Variants in ZNF160 observed in about 807,000 individuals in gnomAD.
ZNF160 encodes the protein KRAB zinc finger protein KR18.
Under a neutral mutation model 13.1 loss-of-function variants are expected in ZNF160, and 9 were observed. The ratio of observed to expected loss-of-function variants is 0.69; its 90% confidence interval spans 0.41 to 1.20. ZNF160 has a LOEUF of 1.20. ZNF160 is among the 50% of genes most tolerant of loss of function. The probability of loss-of-function intolerance (pLI) is 0.01; values close to 1 mark genes in which losing one functional copy is unlikely to be tolerated. For synonymous variants in ZNF160, 293 were observed against 333.2 expected (o/e 0.88, Z 1.31); for missense variants, 838 against 988.0 (o/e 0.85, Z 2.04).
intron 1 of ZNF160, chr19:53,095,680 A>C (rs1418825678): frequency 1.3e-5 from 2 of 152,140 alleles, no homozygotes; most frequent in Non-Finnish European, 2.9e-5. Flanking sequence ...CGGATGAGGA[A>C]TACAAAATGT....
chr19:53,088,770 G>A (rs560265518), intron 2 of ZNF160, among the ~76,000 whole-genome samples: 5 of 152,194 alleles, frequency 3.3e-5, no homozygotes, highest in South Asian at 2.1e-4. Context: ...CAAAATGTGT[G>A]TCATTGTCCC....
Position 53,068,006 on chromosome 19 carries a change from G to A in ZNF160, c.*71C>T. 2.6e-6 allele frequency: 4 copies of A among 1,526,208 alleles called. No homozygotes were observed. Among genetic ancestry groups the A allele is most frequent in the Non-Finnish European group, 3.5e-6 (4 of 1,136,744 alleles). The allele number at this position is 1,526,208 out of a possible 1,614,324, so 94.5% of individuals were successfully genotyped here. ...GGGATTGGCCACTGTCACTACATTT[G>A]TAAGGATTCTGTCAAGAATGAAATT... On this transcript the variant is annotated 3_prime_UTR_variant, in exon 6 of 6. Coordinates refer to ENST00000683776, the MANE Select transcript of ZNF160 (RefSeq NM_001322131.2).
At chr19:53,095,262 G>A (rs1341106047) in intron 1 of ZNF160, 1 of 10,528 alleles carries the variant, frequency 9.5e-5, no homozygotes, top group African/African-American at 5.6e-4. Context: ...CCACCTCACG[G>A]TGGCTTCCAC....
rs774614942 is a variant in ZNF160 at position 53,068,673 on chromosome 19, A to G, written c.1861T>C (p.Tyr621His). Reference protein sequence around the residue: ...HQAIHTGEKPYKCHECGKVFR... With the variant: ...HQAIHTGEKPHKCHECGKVFR... Reference sequence around the variant, plus strand: ...ACCTTGCCGCATTCATGACATTTGTAAGGTTTCTCTCCAGTATGTATTGCC... The same window carrying G: ...ACCTTGCCGCATTCATGACATTTGTGAGGTTTCTCTCCAGTATGTATTGCC... The change falls in exon 6 of 6, where the codon TAC becomes CAC. Residue 621 changes from tyrosine to histidine, a missense_variant. By Grantham distance (83) the Tyr-to-His change is moderately conservative. Transcript: ENST00000683776. 1.9e-6 allele frequency: 3 copies of G among 1,613,952 alleles called. No homozygotes were observed. The African/African-American group carries it at 4.0e-5, about 22-fold the overall frequency.
rs749779810 is a variant in ZNF160, at chr19:53,070,208, G to A, written c.326C>T (p.Thr109Ile). 33 of 1,611,628 alleles carry A rather than the reference G, an allele frequency of 2.0e-5. No individual in the cohort carries two copies. The highest frequency in any genetic ancestry group is 2.7e-5 in the Non-Finnish European group (32 of 1,179,272). ...CACCACTGTGTGGAATACTGCTTCT[G>A]TACTGCTCTTCTCTTTTGGTAGCAA... ...KDLLPKEKSS[T>I]EAVFHTVVLE... The change falls in exon 6 of 6, where the codon ACA becomes ATA. Residue 109 changes from threonine (T) to isoleucine (I), a missense_variant. Around this residue, in one of 3 missense-constraint regions of ZNF160, gnomAD observed 387 missense variants for 402.3 expected, o/e 0.96. Coordinates refer to ENST00000683776, the MANE Select transcript of ZNF160 (RefSeq NM_001322131.2).
intron 1 of ZNF160, among the ~76,000 whole-genome samples, chr19:53,096,680 G>A (rs1273329294): frequency 7.8e-6 from 1 of 128,738 alleles, no homozygotes; most frequent in Non-Finnish European, 1.7e-5. Context: ...ACTGCAGGAA[G>A]TGAGAGTCTG....
At chr19:53,077,974 G>T (rs756962221) in intron 3 of ZNF160, among the ~76,000 whole-genome samples, 2 of 152,126 alleles carry the variant, frequency 1.3e-5, no homozygotes, top group Non-Finnish European at 2.9e-5. Flanking sequence ...AGGCGTGATG[G>T]CTCACGCCTG....
At chr19:53,071,276 T>TG (rs2084165124) in intron 5 of ZNF160, among the ~76,000 whole-genome samples, 1 of 151,678 alleles carries the variant, frequency 6.6e-6, no homozygotes, top group Non-Finnish European at 1.5e-5. Context: ...GGGTGCTGGG[T>TG]GCGGTGGCTC....
At chr19:53,101,589 T>C (rs1256398596) in intron 1 of ZNF160, among the ~76,000 whole-genome samples, 1 of 152,010 alleles carries the variant, frequency 6.6e-6, no homozygotes, top group African/African-American at 2.4e-5. Flanking sequence ...AGAGACTGAA[T>C]TAGATAAGCT....
intron 1 of ZNF160, chr19:53,095,745 T>A (rs2085209690): frequency 6.6e-6 from 1 of 152,000 alleles, no homozygotes. Flanking sequence ...CAGTCGTTTA[T>A]TCACTCATCT....
At position 53,068,518 on chromosome 19, in the gene ZNF160, A is replaced by T. The variant is rs1600795492; in HGVS notation, c.2016T>A (p.Thr672=). 1.2e-6 allele frequency: 2 copies of T among 1,613,914 alleles called. No individual in the cohort carries two copies. The highest frequency in any genetic ancestry group is 2.2e-5 in the East Asian group (1 of 44,868). The change falls in exon 6 of 6, where the codon ACT becomes ACA. Residue 672 remains threonine, a synonymous_variant. Transcript: ENST00000683776. ...GATTACATTTGTAAGGCTTCTCTCC[A>T]GTATGGATGACCTTATGGGTAGTTA... ...SNLTTHKVIH[T]GEKPYKCNQC...
intron 2 of ZNF160, among the ~76,000 whole-genome samples, chr19:53,086,825 C>G (rs140942671): frequency 4.3e-4 from 66 of 152,164 alleles, no homozygotes; most frequent in Non-Finnish European, 1.0e-4. Context: ...TTCTGCAAAA[C>G]GCCTAGGCAC....
At chr19:53,100,333 G>A (rs902125597) in intron 1 of ZNF160, among the ~76,000 whole-genome samples, 4 of 152,188 alleles carry the variant, frequency 2.6e-5, no homozygotes, top group East Asian at 1.9e-4. Context: ...TAAGTTGGCC[G>A]AGCGTGGTGG....
At chr19:53,093,868 T>G (rs549935204) in intron 1 of ZNF160, among the ~76,000 whole-genome samples, 1 of 152,198 alleles carries the variant, frequency 6.6e-6, no homozygotes, top group African/African-American at 2.4e-5. Context: ...AGAGACATCA[T>G]TAACTGCTAA....
At chr19:53,083,598 G>A (rs75136518) in intron 3 of ZNF160, among the ~76,000 whole-genome samples, 13,664 of 152,248 alleles carry the variant, frequency 0.09, 749 homozygotes, top group South Asian at 0.14. Context: ...ACAACAGTGC[G>A]TATATAAAGA....
intron 1 of ZNF160, among the ~76,000 whole-genome samples, chr19:53,097,413 C>T (rs150072596): frequency 0.011 from 1,689 of 151,906 alleles, 28 homozygotes; most frequent in African/African-American, 0.038. Context: ...GACTCAGACA[C>T]GCTTACAAAC....
chr19:53,085,924 C>A, intron 3 of ZNF160: 1 of 979,554 alleles, frequency 1.0e-6, no homozygotes, highest in Non-Finnish European at 1.5e-6. Flanking sequence ...CTTCTGTTAT[C>A]ATGGTTTACA....
chr19:53,082,929 T>C (rs927167254), intron 3 of ZNF160, among the ~76,000 whole-genome samples: 7 of 152,152 alleles, frequency 4.6e-5, no homozygotes, highest in African/African-American at 1.2e-4. Flanking sequence ...AACTCCCTCA[T>C]TGGGTTCAAT....
intron 1 of ZNF160, among the ~76,000 whole-genome samples, chr19:53,100,216 C>G (rs539688363): frequency 6.6e-5 from 10 of 152,304 alleles, no homozygotes; most frequent in African/African-American, 2.2e-4. Flanking sequence ...TCCACATTTA[C>G]AGAAAATAGA....
Sources: allele counts gnomAD v4.1 joint callset (sites outside exome capture counted in the v4.1 genomes callset), GRCh38; gene constraint gnomAD v4.1.1; regional missense constraint gnomAD v4.1.1; transcripts MANE v1.5; gene names NCBI Gene and HGNC (gene_info 2026-07-23, HGNC 2026-07-21).